The following FGF14 variants were observed in gnomAD, a reference collection of about 807,000 sequenced individuals.
FGF14 encodes fibroblast growth factor 14, also known as fibroblast growth factor homologous factor 4.
In FGF14, 5 loss-of-function variants were observed where a neutral mutation model predicts 25.5. That is an observed-to-expected ratio of 0.20 (90% CI 0.10 to 0.41). The LOEUF (loss-of-function observed/expected upper bound fraction) is 0.41, where lower values mean the gene tolerates loss of function less well. FGF14 is among the 10% of genes least tolerant of loss of function. The probability of loss-of-function intolerance (pLI) is 1.00; values close to 1 mark genes in which losing one functional copy is unlikely to be tolerated. For missense variants in FGF14, 222 were observed against 320.1 expected (o/e 0.69, Z 2.34); for synonymous variants, 138 against 118.3 (o/e 1.17, Z -1.08).
chr13:101,971,965 A>C (rs1046522546), intron 1 of FGF14, among the ~76,000 whole-genome samples: 2 of 152,226 alleles, frequency 1.3e-5, no homozygotes, highest in Non-Finnish European at 2.9e-5. Context: ...AGGGATCCAA[A>C]TGGGAGCTCA....
chr13:101,726,331 AG>A (rs1425343309), intron 4 of FGF14, among the ~76,000 whole-genome samples: 3 of 152,052 alleles, frequency 2.0e-5, no homozygotes, highest in Non-Finnish European at 4.4e-5. Flanking sequence ...AAATTATCTA[AG>A]GGTTAGAGTG....
chr13:101,722,092 T>C lies in FGF14; in HGVS notation c.*739A>G, dbSNP rs2035034823. On this transcript the variant is annotated 3_prime_UTR_variant, in exon 5 of 5. Coordinates refer to ENST00000376143, the MANE Select transcript of FGF14 (RefSeq NM_004115.4). ...TATCATAGAGAGCTTCCCTGGATTG[T>C]GTTTGAGCCATTTCCCACCCAGGCA... 6.5e-6 allele frequency: 1 copy of C among 153,328 alleles called. No homozygotes were observed. Among genetic ancestry groups the C allele is most frequent in the Non-Finnish European group, 1.4e-5 (1 of 69,026 alleles). The allele number at this position is 153,328 out of a possible 1,614,324, so 9.5% of individuals were successfully genotyped here. A position where few individuals can be genotyped will look rare whatever the true frequency, so the allele number is the denominator to read the frequency against.
intron 1 of FGF14, among the ~76,000 whole-genome samples, chr13:102,310,624 CT>C (rs962882567): frequency 3.7e-5 from 5 of 136,894 alleles, no homozygotes; most frequent in African/African-American, 1.4e-4. Flanking sequence ...ATAAAACCTT[CT>C]TTCCTTTCTG....
intron 1 of FGF14, among the ~76,000 whole-genome samples, chr13:101,893,826 T>G (rs923488238): frequency 4.6e-5 from 7 of 151,922 alleles, no homozygotes; most frequent in African/African-American, 1.4e-4. Context: ...GATAATCAGT[T>G]TATGTTCTTT....
intron 1 of FGF14, among the ~76,000 whole-genome samples, chr13:102,181,338 G>C (rs941705314): frequency 2.6e-5 from 4 of 152,172 alleles, no homozygotes; most frequent in Non-Finnish European, 4.4e-5. Flanking sequence ...GTAAAAGGCA[G>C]ATGTGATTAA....
At chr13:102,037,773 C>G (rs995606510) in intron 1 of FGF14, among the ~76,000 whole-genome samples, 1 of 152,094 alleles carries the variant, frequency 6.6e-6, no homozygotes, top group Non-Finnish European at 1.5e-5. Flanking sequence ...GACCAGTATC[C>G]AAGTGGATTG....
chr13:102,271,850 A>T (rs7337270), intron 1 of FGF14, among the ~76,000 whole-genome samples: 2 of 151,876 alleles, frequency 1.3e-5, no homozygotes, highest in Admixed American at 6.6e-5. Context: ...ACCTCTGTAG[A>T]CCAGGTCACC....
At chr13:102,038,709 T>C (rs2041590891) in intron 1 of FGF14, among the ~76,000 whole-genome samples, 1 of 152,158 alleles carries the variant, frequency 6.6e-6, no homozygotes, top group Non-Finnish European at 1.5e-5. Context: ...CCATTTTATG[T>C]CATAAAATAA....
intron 1 of FGF14, among the ~76,000 whole-genome samples, chr13:102,084,597 A>G (rs1021373821): frequency 6.6e-6 from 1 of 152,198 alleles, no homozygotes; most frequent in East Asian, 1.9e-4. Context: ...CGGTTCTGGC[A>G]TGGAGAAATA....
chr13:102,084,005 A>C (rs540428952), intron 1 of FGF14, among the ~76,000 whole-genome samples: 1 of 151,896 alleles, frequency 6.6e-6, no homozygotes, highest in African/African-American at 2.4e-5. Flanking sequence ...TCATCTCCTA[A>C]TTCTCTACTT....
chr13:102,264,900 TC>T (rs997942719), intron 1 of FGF14, among the ~76,000 whole-genome samples: 2 of 151,998 alleles, frequency 1.3e-5, no homozygotes, highest in African/African-American at 4.8e-5. Context: ...AAGGTCAGTC[TC>T]CCAGGGCACA....
chr13:101,838,531 A>G (rs1367820989), intron 3 of FGF14, among the ~76,000 whole-genome samples: 1 of 152,094 alleles, frequency 6.6e-6, no homozygotes, highest in Non-Finnish European at 1.5e-5. Flanking sequence ...GTGCTTATGC[A>G]AGGAATTTTG....
At chr13:101,807,799 C>G (rs1005435806) in intron 3 of FGF14, among the ~76,000 whole-genome samples, 2 of 151,924 alleles carry the variant, frequency 1.3e-5, no homozygotes, top group Non-Finnish European at 2.9e-5. Flanking sequence ...CATGCTGCCA[C>G]GTCAAAGAGA....
At chr13:102,111,389 C>T (rs1164605089) in intron 1 of FGF14, among the ~76,000 whole-genome samples, 2 of 152,170 alleles carry the variant, frequency 1.3e-5, no homozygotes, top group African/African-American at 4.8e-5. Flanking sequence ...AGCTGCAATA[C>T]TAGCAATTGT....
At chr13:101,760,494 C>T (rs879789859) in intron 3 of FGF14, among the ~76,000 whole-genome samples, 1 of 152,172 alleles carries the variant, frequency 6.6e-6, no homozygotes, top group Non-Finnish European at 1.5e-5. Context: ...ATAAAGTGCA[C>T]TTTGAAAATG....
chr13:101,956,891 TTC>T (rs1488995260), intron 1 of FGF14, among the ~76,000 whole-genome samples: 2 of 152,224 alleles, frequency 1.3e-5, no homozygotes, highest in South Asian at 2.1e-4. Context: ...TTTTGTTTTT[TTC>T]TCTCTCTCTT....
exon 1 of FGF14, chr13:102,401,498 T>C: frequency 6.2e-7 from 1 of 1,614,162 alleles, no homozygotes. Context: ...TTCTTAAGAC[T>C]CTTGCCACAA....
At chr13:101,913,053 T>G (rs1355361057) in intron 1 of FGF14, among the ~76,000 whole-genome samples, 1 of 152,248 alleles carries the variant, frequency 6.6e-6, no homozygotes, top group Non-Finnish European at 1.5e-5. Context: ...AGGAGAATTA[T>G]TTTTAATTGT....
At chr13:101,947,550 C>T (rs2035890748) in intron 1 of FGF14, among the ~76,000 whole-genome samples, 1 of 152,176 alleles carries the variant, frequency 6.6e-6, no homozygotes, top group Non-Finnish European at 1.5e-5. Flanking sequence ...ATGGATGCAG[C>T]TAGAGGCCAT....
Sources: gnomAD v4.1 joint callset for allele counts (sites outside exome capture counted in the v4.1 genomes callset) on GRCh38, gnomAD v4.1.1 for gene constraint, MANE v1.5 for transcripts, NCBI Gene and HGNC (gene_info 2026-07-23, HGNC 2026-07-21) for gene names.